The following PRKG1 variants were observed in gnomAD, a reference collection of about 807,000 sequenced individuals.
PRKG1 encodes the protein cGMP-dependent protein kinase 1.
In PRKG1, 35 loss-of-function variants were observed where a neutral mutation model predicts 88.1. That is an observed-to-expected ratio of 0.40 (90% CI 0.30 to 0.53). The LOEUF (loss-of-function observed/expected upper bound fraction) is 0.53, where lower values mean the gene tolerates loss of function less well. PRKG1 is among the 20% of genes least tolerant of loss of function. PRKG1 has a pLI of 0.59. For synonymous variants in PRKG1, 303 were observed against 292.5 expected (o/e 1.04, Z -0.37); for missense variants, 540 against 839.8 (o/e 0.64, Z 4.41).
intron 5 of PRKG1, among the ~76,000 whole-genome samples, chr10:51,959,062 G>A (rs926310834): frequency 6.6e-6 from 1 of 152,032 alleles, no homozygotes; most frequent in Non-Finnish European, 1.5e-5. Context: ...ACACTACCTT[G>A]CTCAAAATCT....
At chr10:51,129,852 C>T (rs142590963) in intron 1 of PRKG1, among the ~76,000 whole-genome samples, 10 of 152,232 alleles carry the variant, frequency 6.6e-5, no homozygotes, top group African/African-American at 1.7e-4. Flanking sequence ...TCCATAGGGC[C>T]CTGGTCCTAT....
At chr10:51,428,051 T>G (rs1266692858) in intron 2 of PRKG1, among the ~76,000 whole-genome samples, 1 of 152,298 alleles carries the variant, frequency 6.6e-6, no homozygotes, top group East Asian at 1.9e-4. Context: ...TAAGGGCACA[T>G]GGCCTTAAGG....
rs1031745371 is a variant in PRKG1, at chr10:51,345,607, A to C, written c.479-122116A>C. Among the ~76,000 whole-genome samples, 6 of 152,194 alleles carry C rather than the reference A, an allele frequency of 3.9e-5. No individual in the cohort carries two copies. In the South Asian group the frequency reaches 1.2e-3, roughly 32 times the overall value. On this transcript the variant is annotated intron_variant, in intron 2 of 17. Transcript: ENST00000373980. ...CGTTTGCTCTAAAATGCCAAATTTA[A>C]AATCCCATACATAATCTCATTTGGA...
At chr10:51,051,783 G>A (rs1418937016) in intron 1 of PRKG1, among the ~76,000 whole-genome samples, 1 of 152,074 alleles carries the variant, frequency 6.6e-6, no homozygotes, top group Non-Finnish European at 1.5e-5. Flanking sequence ...CATCTTAGAT[G>A]AAGAACAAAC....
chr10:51,936,061 G>T (rs1007576025), intron 5 of PRKG1, among the ~76,000 whole-genome samples: 1 of 151,672 alleles, frequency 6.6e-6, no homozygotes, highest in African/African-American at 2.4e-5. Flanking sequence ...GGCAATATTT[G>T]TTCAAGGAAA....
intron 2 of PRKG1, among the ~76,000 whole-genome samples, chr10:51,209,243 C>T (rs1838149309): frequency 1.3e-5 from 2 of 152,050 alleles, no homozygotes; most frequent in African/African-American, 4.8e-5. Context: ...AAATGTATTC[C>T]TTTATTGGTG....
At chr10:51,794,189 A>G (rs1838948608) in intron 3 of PRKG1, among the ~76,000 whole-genome samples, 1 of 152,164 alleles carries the variant, frequency 6.6e-6, no homozygotes, top group South Asian at 2.1e-4. Flanking sequence ...ACATCAGAAC[A>G]CTTAAATATA....
In PRKG1 at chr10:51,062,883, A is replaced by C. The variant is rs188919959; in HGVS notation, c.266+71239A>C. ...GCGATCCGCCCGACTCAGCCTCCCA[A>C]AGTGCTGGGATTACAGGCATGAGCC... On this transcript the variant is annotated intron_variant, in intron 1 of 17. Transcript: ENST00000401604. 2.0e-5 allele frequency: 3 copies of C among 152,216 alleles called. No homozygotes were observed. In the East Asian group the frequency reaches 5.8e-4, roughly 29 times the overall value. The allele number at this position is 152,216 out of a possible 1,614,324, so 9.4% of individuals were successfully genotyped here.
intron 2 of PRKG1, among the ~76,000 whole-genome samples, chr10:51,200,996 T>G (rs1205382035): frequency 2.6e-5 from 4 of 152,212 alleles, no homozygotes; most frequent in African/African-American, 7.2e-5. Context: ...GGGCCACTAA[T>G]GAACATTCTG....
At chr10:52,113,817 A>C (rs1049973709) in intron 7 of PRKG1, among the ~76,000 whole-genome samples, 3 of 152,178 alleles carry the variant, frequency 2.0e-5, no homozygotes, top group African/African-American at 7.2e-5. Context: ...ATTTTTTAAA[A>C]TCTATCAAAT....
chr10:51,847,185 T>G (rs140255407), intron 4 of PRKG1, among the ~76,000 whole-genome samples: 1 of 152,204 alleles, frequency 6.6e-6, no homozygotes, highest in Non-Finnish European at 1.5e-5. Context: ...CTCTAACATT[T>G]TGTGTTTCTA....
At chr10:51,433,061 G>A (rs1032724069) in intron 2 of PRKG1, among the ~76,000 whole-genome samples, 3 of 152,128 alleles carry the variant, frequency 2.0e-5, no homozygotes, top group Non-Finnish European at 4.4e-5. Flanking sequence ...TATGAGCTAA[G>A]AGAACATAGC....
At chr10:51,672,133 A>G (rs1324425587) in intron 3 of PRKG1, among the ~76,000 whole-genome samples, 1 of 148,574 alleles carries the variant, frequency 6.7e-6, no homozygotes, top group African/African-American at 2.5e-5. Flanking sequence ...TTTTTTTTTT[A>G]CCTATTTCTT....
chr10:51,246,619 A>G (rs1418105002), intron 2 of PRKG1, among the ~76,000 whole-genome samples: 2 of 152,056 alleles, frequency 1.3e-5, no homozygotes, highest in Admixed American at 1.3e-4. Flanking sequence ...AAAAGAAAAA[A>G]AAAAAACAAT....
chr10:51,623,509 A>G (rs183194587), intron 3 of PRKG1, among the ~76,000 whole-genome samples: 91 of 152,210 alleles, frequency 6.0e-4, no homozygotes, highest in African/African-American at 2.1e-3. Context: ...CACAACCACA[A>G]TTTCAGTTTT....
chr10:51,871,575 G>T (rs557861316), intron 4 of PRKG1, among the ~76,000 whole-genome samples: 39 of 152,332 alleles, frequency 2.6e-4, no homozygotes, highest in African/African-American at 9.4e-4. Flanking sequence ...GACACATTTG[G>T]TGGGAGAATC....
intron 3 of PRKG1, among the ~76,000 whole-genome samples, chr10:51,608,416 G>A (rs1259599059): frequency 2.0e-5 from 3 of 152,202 alleles, no homozygotes; most frequent in Non-Finnish European, 4.4e-5. Flanking sequence ...TCATGGGACA[G>A]GGAGTTGAAG....
intron 1 of PRKG1, among the ~76,000 whole-genome samples, chr10:51,000,185 G>A (rs1842874540): frequency 2.0e-5 from 3 of 152,076 alleles, no homozygotes; most frequent in Admixed American, 2.0e-4. Flanking sequence ...AGTAAATAAT[G>A]GCTTAAAAAT....
intron 5 of PRKG1, among the ~76,000 whole-genome samples, chr10:51,980,791 T>C (rs181208171): frequency 6.6e-6 from 1 of 152,304 alleles, no homozygotes; most frequent in East Asian, 1.9e-4. Context: ...TTGTCTAAAA[T>C]TAGTATTGCA....
Sources: gnomAD v4.1 joint callset for allele counts (sites outside exome capture counted in the v4.1 genomes callset) on GRCh38, gnomAD v4.1.1 for gene constraint, MANE v1.5 for transcripts, NCBI Gene and HGNC (gene_info 2026-07-23, HGNC 2026-07-21) for gene names.